Variants in PDE4D observed in about 807,000 individuals in gnomAD.
PDE4D encodes the protein phosphodiesterase 4D.
A neutral mutation model predicts 87.4 loss-of-function variants in PDE4D; 24 were observed. The observed-to-expected ratio is 0.27, with a 90% CI of 0.20 to 0.39. The LOEUF is 0.39. Among genes scored for constraint, PDE4D ranks in the 10% least tolerant of loss-of-function variants. PDE4D has a pLI of 1.00. For missense variants in PDE4D, 714 were observed against 1,041.0 expected (o/e 0.69, Z 4.32); for synonymous variants, 384 against 383.2 (o/e 1.00, Z -0.02).
At chr5:59,761,931 T>A (rs1762015621) in intron 1 of PDE4D, among the ~76,000 whole-genome samples, 1 of 152,128 alleles carries the variant, frequency 6.6e-6, no homozygotes, top group African/African-American at 2.4e-5. Context: ...TACACCAGCA[T>A]GCCCACAAAC....
intron 2 of PDE4D, among the ~76,000 whole-genome samples, chr5:60,146,925 C>A (rs1466619353): frequency 6.6e-6 from 1 of 152,122 alleles, no homozygotes; most frequent in Admixed American, 6.5e-5. Context: ...AATATCACCT[C>A]ATACCTGTTG....
intron 1 of PDE4D, among the ~76,000 whole-genome samples, chr5:60,398,524 C>T (rs773275261): frequency 6.6e-5 from 10 of 152,098 alleles, no homozygotes; most frequent in Non-Finnish European, 1.2e-4. Context: ...AGTTACTGTA[C>T]CATAGAGTTA....
intron 5 of PDE4D, among the ~76,000 whole-genome samples, chr5:59,069,386 G>C (rs1298106009): frequency 6.6e-6 from 1 of 152,158 alleles, no homozygotes; most frequent in Non-Finnish European, 1.5e-5. Context: ...GCAATGAAAA[G>C]ACTAAAACTT....
exon 3 of PDE4D, chr5:59,988,674 G>C (rs779795360): frequency 1.6e-5 from 25 of 1,598,860 alleles, no homozygotes; most frequent in Non-Finnish European, 2.1e-5. Context: ...TCCGCGGAAA[G>C]GGTCTTCCTC....
intron 1 of PDE4D, among the ~76,000 whole-genome samples, chr5:59,886,535 A>T (rs1388769908): frequency 6.6e-6 from 1 of 152,020 alleles, no homozygotes; most frequent in Non-Finnish European, 1.5e-5. Flanking sequence ...AAAATAAAAA[A>T]ATAAAGAAAA....
chr5:59,217,952 G>A (rs747405883), intron 1 of PDE4D: 9 of 463,198 alleles, frequency 1.9e-5, no homozygotes, highest in Admixed American at 7.0e-5. Flanking sequence ...CTTAATATGA[G>A]TGCATTAAGA....
chr5:60,227,609 G>A (rs1259772980), intron 1 of PDE4D, among the ~76,000 whole-genome samples: 2 of 139,200 alleles, frequency 1.4e-5, no homozygotes, highest in African/African-American at 2.7e-5. Context: ...GAGGGAGGGA[G>A]GGAGGAAAGG....
intron 1 of PDE4D, among the ~76,000 whole-genome samples, chr5:59,769,766 A>G (rs1763256070): frequency 6.6e-6 from 1 of 152,080 alleles, no homozygotes; most frequent in African/African-American, 2.4e-5. Context: ...AAATCAAATC[A>G]CATCTCTAAC....
chr5:58,969,117 T>C lies in PDE4D; in HGVS notation c.*5547A>G. ...TGAATTATATCCAATATCAATTTGA[T>C]GGCTATATTCAACACATATTAAGAA... On this transcript the variant is annotated 3_prime_UTR_variant, in exon 15 of 15. Coordinates refer to ENST00000340635, the MANE Select transcript of PDE4D (RefSeq NM_001104631.2). 1 of 152,214 alleles carries C rather than the reference T, an allele frequency of 6.6e-6. No individual in the cohort carries two copies. The highest frequency in any genetic ancestry group is 2.4e-5 in the African/African-American group (1 of 41,458). 9.4% of individuals were successfully genotyped at this position (152,214 alleles called of 1,614,324 possible).
At chr5:59,693,520 G>A (rs298085) in intron 1 of PDE4D, among the ~76,000 whole-genome samples, 114,436 of 152,034 alleles carry the variant, frequency 0.75, 43,184 homozygotes, top group East Asian at 0.84. Context: ...AACTATTTGC[G>A]AATTTTAGTG....
At chr5:60,112,504 T>G (rs1203023785) in intron 2 of PDE4D, among the ~76,000 whole-genome samples, 1 of 152,100 alleles carries the variant, frequency 6.6e-6, no homozygotes, top group Non-Finnish European at 1.5e-5. Flanking sequence ...ATAAGGACCA[T>G]CCGAACTTTC....
At chr5:60,319,756 C>A (rs961495493) in intron 1 of PDE4D, among the ~76,000 whole-genome samples, 2 of 152,138 alleles carry the variant, frequency 1.3e-5, no homozygotes, top group African/African-American at 4.8e-5. Flanking sequence ...CACTCCAGAC[C>A]CTGTTTCCCT....
intron 1 of PDE4D, among the ~76,000 whole-genome samples, chr5:59,499,842 A>AT (rs1284862533): frequency 6.6e-6 from 1 of 151,802 alleles, no homozygotes; most frequent in Non-Finnish European, 1.5e-5. Flanking sequence ...TCTACCAGAC[A>AT]TACAAATAAG....
chr5:59,035,822 A>G (rs1340096813), intron 6 of PDE4D, among the ~76,000 whole-genome samples: 1 of 152,200 alleles, frequency 6.6e-6, no homozygotes, highest in Non-Finnish European at 1.5e-5. Context: ...GTTCCAAAGG[A>G]AATCTGTACA....
chr5:59,250,854 T>C (rs144078465), intron 1 of PDE4D, among the ~76,000 whole-genome samples: 2 of 152,166 alleles, frequency 1.3e-5, no homozygotes, highest in Non-Finnish European at 2.9e-5. Flanking sequence ...TGGATCAGAA[T>C]AGAGAGCTCA....
chr5:59,225,990 T>TAA lies in PDE4D; in HGVS notation c.456-10024_456-10023dup, dbSNP rs35585210. Among the ~76,000 whole-genome samples the TAA allele has an allele frequency of 3.8e-3, 559 of 146,498 alleles. 7 individuals are homozygous for TAA. The highest frequency in any genetic ancestry group is 0.023 in the Admixed American group (333 of 14,732). ...TCACTCCTGTTAGGATGGCCATTAT[T>TAA]AAAAAAAAAAACCTGTTGGCAAGGA... On this transcript the variant is annotated intron_variant, in intron 1 of 14. Coordinates refer to ENST00000340635, the MANE Select transcript of PDE4D (RefSeq NM_001104631.2).
chr5:59,893,377 C>T lies in PDE4D; in HGVS notation c.246G>A (p.Pro82=), dbSNP rs766256269. 3.5e-5 allele frequency: 43 copies of T among 1,246,146 alleles called. No homozygotes were observed. In the South Asian group the frequency reaches 7.1e-4, roughly 21 times the overall value. The allele number at this position is 1,246,146 out of a possible 1,614,324, so 77.2% of individuals were successfully genotyped here. A position where few individuals can be genotyped will look rare whatever the true frequency, so the allele number is the denominator to read the frequency against. ...CAGCCCCGGGCGGCGGCGGGGGCGG[C>T]GGCAGGGGGGGCGGCGGCGGCGGCT... The part of the protein sequence containing the change: ...PLQPPPPPPL[P]PPPPPPGAAR... Residue 82 remains proline (P), a synonymous_variant, in exon 1 of 15, where the codon CCG becomes CCA. Coordinates refer to ENST00000340635, the MANE Select transcript of PDE4D (RefSeq NM_001104631.2).
intron 1 of PDE4D, among the ~76,000 whole-genome samples, chr5:59,321,245 T>C (rs900865051): frequency 7.2e-5 from 11 of 152,056 alleles, no homozygotes; most frequent in Non-Finnish European, 1.6e-4. Flanking sequence ...GGCCTATGTC[T>C]TTCCCTCGCT....
At chr5:60,289,525 C>A (rs1752704620) in intron 1 of PDE4D, among the ~76,000 whole-genome samples, 1 of 152,156 alleles carries the variant, frequency 6.6e-6, no homozygotes, top group Admixed American at 6.5e-5. Flanking sequence ...AGGTTATCAA[C>A]TCTTTCCCCA....
Sources: gnomAD v4.1 joint callset for allele counts (sites outside exome capture counted in the v4.1 genomes callset) on GRCh38, gnomAD v4.1.1 for gene constraint, MANE v1.5 for transcripts, NCBI Gene and HGNC (gene_info 2026-07-23, HGNC 2026-07-21) for gene names.